The following CTNNA3 variants were observed in gnomAD, a reference collection of about 807,000 sequenced individuals.
CTNNA3 encodes the protein catenin alpha 3.
Under a neutral mutation model 95.7 loss-of-function variants are expected in CTNNA3, and 76 were observed. The observed-to-expected ratio is 0.79, with a 90% CI of 0.66 to 0.96. The LOEUF (loss-of-function observed/expected upper bound fraction) is 0.96. Among genes scored for constraint, CTNNA3 ranks in the 40% least tolerant of loss-of-function variants. The pLI is 0.00. For synonymous variants in CTNNA3, 431 were observed against 374.4 expected (o/e 1.15, Z -1.74); for missense variants, 1,191 against 1,089.8 (o/e 1.09, Z -1.31).
intron 5 of CTNNA3, among the ~76,000 whole-genome samples, chr10:67,486,200 A>T (rs1436351022): frequency 6.6e-6 from 1 of 152,230 alleles, no homozygotes; most frequent in African/African-American, 2.4e-5. Flanking sequence ...AATCTACTTT[A>T]GCCAGAAATA....
intron 3 of CTNNA3, among the ~76,000 whole-genome samples, chr10:67,564,677 G>GTGTGTGTA (rs1488656262): frequency 3.3e-5 from 2 of 61,310 alleles, no homozygotes; most frequent in African/African-American, 1.3e-4. Flanking sequence ...GTGTGTGTGT[G>GTGTGTGTA]TATATATATA....
Position 66,387,769 on chromosome 10 carries a change from A to G in CTNNA3, c.1532-8417T>C, listed in dbSNP as rs552188725. ...ACCATGGAATACTATGCAGCCATAA[A>G]ACAGGATGAGTTCATGTCCTTTTCA... is the stretch of plus-strand genomic sequence containing the variant. On this transcript the variant is annotated intron_variant, in intron 11 of 17. Coordinates refer to ENST00000433211, the MANE Select transcript of CTNNA3 (RefSeq NM_013266.4). 4.6e-5 allele frequency among the ~76,000 whole-genome samples: 7 copies of G among 152,314 alleles called. No individual in the cohort carries two copies. In the South Asian group the frequency reaches 1.2e-3, roughly 27 times the overall value.
At chr10:65,928,288 A>G (rs189521986) in intron 17 of CTNNA3, among the ~76,000 whole-genome samples, 1 of 152,186 alleles carries the variant, frequency 6.6e-6, no homozygotes, top group Non-Finnish European at 1.5e-5. Flanking sequence ...GCTGTCAAAA[A>G]TAAATTGATC....
At chr10:67,229,627 T>C (rs565998494) in intron 5 of CTNNA3, among the ~76,000 whole-genome samples, 32 of 152,188 alleles carry the variant, frequency 2.1e-4, no homozygotes, top group Non-Finnish European at 3.7e-4. Context: ...ATTTTCCAGA[T>C]AAAAGATTAA....
At chr10:67,137,337 G>T (rs960506178) in intron 7 of CTNNA3, among the ~76,000 whole-genome samples, 2 of 151,888 alleles carry the variant, frequency 1.3e-5, no homozygotes, top group Admixed American at 6.6e-5. Flanking sequence ...ATCTTGGATT[G>T]CTCTTACACA....
At chr10:66,931,828 G>A (rs946893670) in intron 7 of CTNNA3, among the ~76,000 whole-genome samples, 1 of 152,134 alleles carries the variant, frequency 6.6e-6, no homozygotes. Flanking sequence ...AACGCAATAA[G>A]AATAGATAAG....
intron 9 of CTNNA3, among the ~76,000 whole-genome samples, chr10:66,712,844 C>T (rs1296601609): frequency 6.6e-6 from 1 of 152,132 alleles, no homozygotes; most frequent in Non-Finnish European, 1.5e-5. Context: ...CACAAATAAG[C>T]TCATACCTTT....
chr10:67,148,928 T>C (rs1315012768), intron 7 of CTNNA3, among the ~76,000 whole-genome samples: 1 of 152,198 alleles, frequency 6.6e-6, no homozygotes, highest in Admixed American at 6.5e-5. Context: ...ATCTTCAGCA[T>C]ATTAAATAAT....
At chr10:66,947,848 A>G (rs1848351474) in intron 7 of CTNNA3, among the ~76,000 whole-genome samples, 1 of 152,200 alleles carries the variant, frequency 6.6e-6, no homozygotes, top group South Asian at 2.1e-4. Context: ...AGCGACAGGA[A>G]TAGGTTCTGA....
intron 3 of CTNNA3, among the ~76,000 whole-genome samples, chr10:67,593,481 A>C (rs1230002937): frequency 3.9e-5 from 6 of 152,026 alleles, no homozygotes; most frequent in African/African-American, 1.4e-4. Flanking sequence ...CACCTCCCTG[A>C]TTAGCTGTAT....
chr10:67,726,046 C>T (rs1413413173), intron 1 of CTNNA3, among the ~76,000 whole-genome samples: 1 of 122,342 alleles, frequency 8.2e-6, no homozygotes. Context: ...CTATTATATA[C>T]AATTATTAAT....
intron 7 of CTNNA3, among the ~76,000 whole-genome samples, chr10:67,157,923 G>A (rs760579035): frequency 1.3e-5 from 2 of 152,104 alleles, no homozygotes; most frequent in Non-Finnish European, 2.9e-5. Context: ...GTTGTCTGGG[G>A]CAAAAACTGT....
At chr10:66,257,712 T>G (rs1417189979) in intron 13 of CTNNA3, among the ~76,000 whole-genome samples, 1 of 152,146 alleles carries the variant, frequency 6.6e-6, no homozygotes, top group Non-Finnish European at 1.5e-5. Flanking sequence ...CAGCCCCTAA[T>G]AACAAAATTT....
At chr10:66,088,602 G>A (rs1011290922) in intron 14 of CTNNA3, among the ~76,000 whole-genome samples, 9 of 149,160 alleles carry the variant, frequency 6.0e-5, no homozygotes, top group African/African-American at 1.9e-4. Context: ...AAGACAAAGA[G>A]AATGCACTTT....
upstream of CTNNA3, among the ~76,000 whole-genome samples, chr10:67,696,936 A>C (rs1840976076): frequency 1.3e-5 from 2 of 152,244 alleles, no homozygotes; most frequent in Non-Finnish European, 2.9e-5. Flanking sequence ...CTTCTAAAAC[A>C]AGAGGTGCTA....
intron 5 of CTNNA3, among the ~76,000 whole-genome samples, chr10:67,451,432 T>A (rs539907338): frequency 6.8e-4 from 103 of 150,910 alleles, no homozygotes; most frequent in African/African-American, 2.2e-3. Flanking sequence ...GTTGTAAACA[T>A]GATAGATCTA....
At chr10:66,242,608 G>A (rs10997003) in intron 13 of CTNNA3, among the ~76,000 whole-genome samples, 32,567 of 152,124 alleles carry the variant, frequency 0.21, 3,671 homozygotes, top group South Asian at 0.29. Flanking sequence ...ATAAGAGTGA[G>A]TAAAATCAAA....
intron 9 of CTNNA3, among the ~76,000 whole-genome samples, chr10:66,704,435 T>C (rs2132582995): frequency 6.6e-6 from 1 of 152,254 alleles, no homozygotes; most frequent in South Asian, 2.1e-4. Flanking sequence ...ATAGAGCAGA[T>C]AATAAGAAAA....
chr10:66,208,032 C>A (rs758011275), intron 13 of CTNNA3, among the ~76,000 whole-genome samples: 2 of 151,982 alleles, frequency 1.3e-5, no homozygotes, highest in African/African-American at 4.8e-5. Flanking sequence ...GTGAACTTCT[C>A]TATAATGTTT....
Sources: gnomAD v4.1 joint callset for allele counts (sites outside exome capture counted in the v4.1 genomes callset) on GRCh38, gnomAD v4.1.1 for gene constraint, MANE v1.5 for transcripts, NCBI Gene and HGNC (gene_info 2026-07-23, HGNC 2026-07-21) for gene names.